IFT122: variants seen among roughly 807,000 people sequenced by gnomAD.
The protein encoded by IFT122 is intraflagellar transport 122, also known as intraflagellar transport protein 122 homolog.
In IFT122, 118 loss-of-function variants were observed where a neutral mutation model predicts 161.6. That is an observed-to-expected ratio of 0.73 (90% CI 0.63 to 0.85). The LOEUF is 0.85. Ranked by LOEUF, IFT122 falls within the 40% of genes least tolerant of loss-of-function variation. IFT122 has a pLI of 0.00. For missense variants in IFT122, 1,381 were observed against 1,579.6 expected, an observed-to-expected ratio of 0.87 and a Z score of 2.13; for synonymous variants, 550 against 602.4, an observed-to-expected ratio of 0.91 and a Z score of 1.27.
In IFT122 at chr3:129,464,666, G is replaced by C; in HGVS notation, c.448G>C (p.Gly150Arg). Residue 150 changes from glycine (G) to arginine (R), a missense_variant, in exon 7 of 30, where the codon GGG (glycine) becomes CGG (arginine). Gly to Arg is a moderately radical substitution (Grantham distance 125). Around this residue, in one of 7 missense-constraint regions of IFT122, gnomAD observed 544 missense variants for 648.0 expected, o/e 0.84. Coordinates refer to ENST00000348417, the MANE Select transcript of IFT122 (RefSeq NM_052989.3). ...WTNDGQYLAL[G>R]MFNGIISIRN... is the part of the protein sequence containing the mutation. ...AAATGATGGTCAGTACCTGGCGCTG[G>C]GGATGTTCAATGGGATCATCAGCAT... 1 of 1,614,162 alleles carries C rather than the reference G, an allele frequency of 6.2e-7. No individual in the cohort carries two copies. The highest frequency in any genetic ancestry group is 1.3e-5 in the African/African-American group (1 of 75,032).
chr3:129,515,359 C>G, intron 25 of IFT122, 129 bp from the exon 26 acceptor site: 1 of 774,950 alleles, frequency 1.3e-6, no homozygotes, highest in Non-Finnish European at 2.3e-6. Context: ...CCCGGCGCCC[C>G]TTCCCTGCCT....
intron 24 of IFT122, chr3:129,513,252 G>A (rs2083053787): frequency 6.6e-6 from 1 of 152,206 alleles, no homozygotes; most frequent in Non-Finnish European, 1.5e-5. Flanking sequence ...GATTTTTAAG[G>A]TCTTGGATGT....
intron 9 of IFT122, among the ~76,000 whole-genome samples, chr3:129,471,284 A>G (rs1220184188): frequency 2.0e-5 from 3 of 152,230 alleles, no homozygotes; most frequent in Non-Finnish European, 4.4e-5. Flanking sequence ...GTATTCGAGT[A>G]AAGAAAAGAT....
intron 17 of IFT122, among the ~76,000 whole-genome samples, chr3:129,494,335 C>T (rs753993269): frequency 1.6e-4 from 24 of 152,030 alleles, no homozygotes; most frequent in Non-Finnish European, 2.6e-4. Context: ...TGTAAGCCAC[C>T]ATGTCCAGCC....
intron 21 of IFT122, among the ~76,000 whole-genome samples, chr3:129,505,054 C>T (rs528915155): frequency 6.6e-6 from 1 of 152,228 alleles, no homozygotes; most frequent in African/African-American, 2.4e-5. Context: ...ATAGAACTTT[C>T]GCTGATGTTA....
At chr3:129,481,792 G>A in intron 14 of IFT122, 98 bp downstream of exon 14, 1 of 1,387,990 alleles carries the variant, frequency 7.2e-7, no homozygotes, top group Non-Finnish European at 1.0e-6. Context: ...TCTGGCCCAG[G>A]CAGGTCTCTG....
At chr3:129,477,955 C>T in intron 11 of IFT122, 61 bp from the exon 12 acceptor site, 1 of 1,405,484 alleles carries the variant, frequency 7.1e-7, no homozygotes, top group Middle Eastern at 1.8e-4. Flanking sequence ...CTTTTAATTT[C>T]TCTGCCTTGC....
In IFT122 at chr3:129,479,905, G is replaced by C. The variant is rs2078430801; in HGVS notation, c.1471G>C (p.Gly491Arg). The C allele has an allele frequency of 6.2e-7, 1 of 1,613,908 alleles. No homozygotes were observed. The highest frequency in any genetic ancestry group is 8.5e-7 in the Non-Finnish European group (1 of 1,179,972). ...GPPGREGLLV[G>R]LKNGQILKIF... ...TCCTGGAAGAGAAGGCCTCTTAGTGGGGCTGAAGAATGGACAGGTGAGTGC... is the reference window on the plus strand; with the variant it reads ...TCCTGGAAGAGAAGGCCTCTTAGTGCGGCTGAAGAATGGACAGGTGAGTGC... The change falls in exon 13 of 30, where the codon GGG (glycine) becomes CGG (arginine). Residue 491 changes from glycine to arginine, a missense_variant. Transcript: ENST00000348417.
chr3:129,517,345 C>A, intron 26 of IFT122, 124 bp from the exon 27 acceptor site: 1 of 1,261,856 alleles, frequency 7.9e-7, no homozygotes, highest in African/African-American at 1.5e-5. Flanking sequence ...CCCCTGCTGC[C>A]TCTTCTTGCT....
Position 129,440,314 on chromosome 3 carries a change from C to T in IFT122, c.-17C>T, listed in dbSNP as rs770119900. On this transcript the variant is annotated 5_prime_UTR_variant, in exon 1 of 30. Coordinates refer to ENST00000348417, the MANE Select transcript of IFT122 (RefSeq NM_052989.3). Reference sequence around the variant, plus strand: ...CTGAGGCGGGTAGGAGGAGCCCGAGCCGTAAGGGAAGCCGTGATGAGGGCC... The same window carrying T: ...CTGAGGCGGGTAGGAGGAGCCCGAGTCGTAAGGGAAGCCGTGATGAGGGCC... 3.9e-6 allele frequency: 6 copies of T among 1,550,508 alleles called. No homozygotes were observed. In the South Asian group the frequency reaches 7.1e-5, roughly 18 times the overall value.
chr3:129,495,537 A>G lies in IFT122; in HGVS notation c.2138A>G (p.Tyr713Cys), dbSNP rs1332128088. The G allele has an allele frequency of 1.2e-6, 2 of 1,614,078 alleles. No homozygotes were observed. The highest frequency in any genetic ancestry group is 1.7e-6 in the Non-Finnish European group (2 of 1,180,050). The change falls in exon 18 of 30, where the codon TAC becomes TGC. Residue 713 changes from tyrosine (Y) to cysteine (C), a missense_variant. Physicochemically the swap from Tyr to Cys is radical, Grantham distance 194 (BLOSUM62 -2). Transcript: ENST00000348417. ...QGKFHEAAKL[Y>C]KRSGHENLAL... ...AAGTTCCATGAGGCCGCCAAACTGT[A>G]CAAGAGGAGTGGGCACGAGAACCTC...
In IFT122 at chr3:129,514,374, C is replaced by T; in HGVS notation, c.2988-15C>T. ...CTGGTGTTGCCCCTGCTGTCCTTAA[C>T]CCTGTTCACGGCAGGAAAATACTCT... is the stretch of plus-strand genomic sequence containing the variant. On this transcript the variant is annotated splice_polypyrimidine_tract_variant and intron_variant, in intron 24 of 29. Coordinates refer to ENST00000348417, the MANE Select transcript of IFT122 (RefSeq NM_052989.3). 6.8e-6 allele frequency: 11 copies of T among 1,614,030 alleles called. No homozygotes were observed. The highest frequency in any genetic ancestry group is 4.0e-5 in the African/African-American group (3 of 75,040).
At chr3:129,485,645 A>G (rs1242913395) in intron 15 of IFT122, among the ~76,000 whole-genome samples, 1 of 152,224 alleles carries the variant, frequency 6.6e-6, no homozygotes, top group Non-Finnish European at 1.5e-5. Context: ...TATTTTATTA[A>G]AAGGTTTTCT....
rs765326495 is a variant in IFT122 at position 129,515,499 on chromosome 3, C to A, written c.3165C>A (p.Pro1055=). 1 of 1,473,726 alleles carries A rather than the reference C, an allele frequency of 6.8e-7. No homozygotes were observed. The highest frequency in any genetic ancestry group is 9.4e-7 in the Non-Finnish European group (1 of 1,058,748). 91.3% of individuals were successfully genotyped at this position (1,473,726 alleles called of 1,614,324 possible). A position where few individuals can be genotyped will look rare whatever the true frequency, so the allele number is the denominator to read the frequency against. ...KPFHDSEELV[P]LCYRCSTNNP... is the part of the protein sequence containing the mutation. ...TGGCTGTTTTGTAGGAGTTGGTGCC[C>A]TTGTGCTACCGCTGCTCCACCAACA... The change falls in exon 26 of 30, where the codon CCC becomes CCA. Residue 1055 remains proline, a synonymous_variant. Transcript: ENST00000348417.
chr3:129,442,124 C>T (rs556926471), intron 1 of IFT122, among the ~76,000 whole-genome samples: 2 of 152,234 alleles, frequency 1.3e-5, no homozygotes, highest in Non-Finnish European at 2.9e-5. Context: ...CCGTGTGGGC[C>T]AAATAAAACA....
At chr3:129,452,151 A>G in intron 3 of IFT122, 153 bp downstream of exon 3, 1 of 660,888 alleles carries the variant, frequency 1.5e-6, no homozygotes. Flanking sequence ...TTGGTCATTC[A>G]ATCTAGCAAG....
chr3:129,516,694 G>GCGCACACACACA lies in IFT122; in HGVS notation c.3266-774_3266-773insGCACACACACAC, dbSNP rs1243629398. Among the ~76,000 whole-genome samples, 62 of 50,218 alleles carry GCGCACACACACA rather than the reference G, an allele frequency of 1.2e-3. 2 individuals are homozygous for GCGCACACACACA. The highest frequency in any genetic ancestry group is 6.4e-3 in the African/African-American group (59 of 9,218). 32.9% of individuals were successfully genotyped at this position (50,218 alleles called of 152,430 possible). A position where few individuals can be genotyped will look rare whatever the true frequency, so the allele number is the denominator to read the frequency against. On this transcript the variant is annotated intron_variant, in intron 26 of 29. Transcript: ENST00000348417. ...CCCTGCACACACACAGATTGCTCCTGCACACACACACACACACACACACAC... is the reference window on the plus strand; with the variant it reads ...CCCTGCACACACACAGATTGCTCCTGCGCACACACACACACACACACACACACACACACACAC...
Position 129,499,910 on chromosome 3 carries a change from T to C in IFT122, c.2217T>C (p.Leu739=). ...TTGTTGTGCTTCCTCAGGATTTCCT[T>C]GGATCTGGAGACCCCAAAGAAACAA... ...LCMFEYAKDF[L]GSGDPKETKM... The change falls in exon 19 of 30, where the codon CTT becomes CTC. Residue 739 remains leucine (L), a synonymous_variant. Transcript: ENST00000348417. The C allele has an allele frequency of 6.2e-7, 1 of 1,614,152 alleles. No individual in the cohort carries two copies. The highest frequency in any genetic ancestry group is 8.5e-7 in the Non-Finnish European group (1 of 1,180,002).
At chr3:129,478,507 T>G (rs973032140) in intron 12 of IFT122, among the ~76,000 whole-genome samples, 2 of 152,240 alleles carry the variant, frequency 1.3e-5, no homozygotes, top group African/African-American at 4.8e-5. Flanking sequence ...CAGGCTGGAA[T>G]GCAGTGGCAC....
Sources: allele counts gnomAD v4.1 joint callset (sites outside exome capture counted in the v4.1 genomes callset), GRCh38; gene constraint gnomAD v4.1.1; regional missense constraint gnomAD v4.1.1; transcripts MANE v1.5; gene names NCBI Gene and HGNC (gene_info 2026-07-23, HGNC 2026-07-21).